Variants in PCDHA5 observed in about 807,000 individuals in gnomAD.
PCDHA5 encodes the protein protocadherin alpha-5.
Under a neutral mutation model 61.6 loss-of-function variants are expected in PCDHA5, and 43 were observed. The observed-to-expected ratio is 0.70, with a 90% confidence interval of 0.55 to 0.90. The LOEUF is 0.90. Ranked by LOEUF, PCDHA5 falls within the 40% of genes least tolerant of loss-of-function variation. The pLI, the probability that PCDHA5 is intolerant of heterozygous loss-of-function variation, is 0.00. For missense variants in PCDHA5, 1,298 were observed against 1,222.7 expected (o/e 1.06, Z -0.92); for synonymous variants, 627 against 543.9 (o/e 1.15, Z -2.13).
intron 3 of PCDHA5, among the ~76,000 whole-genome samples, chr5:140,984,467 T>G (rs1358469857): frequency 4.6e-5 from 7 of 152,220 alleles, no homozygotes; most frequent in African/African-American, 1.7e-4. Context: ...CCAGCCCCTC[T>G]TGTATAACCC....
intron 1 of PCDHA5, chr5:140,841,097 A>T (rs1777008078): frequency 3.5e-6 from 2 of 570,202 alleles, no homozygotes; most frequent in Non-Finnish European, 6.1e-6. Context: ...GAACCCAGAT[A>T]TTGCGGAAGT....
chr5:140,868,872 G>T, intron 1 of PCDHA5: 1 of 640,590 alleles, frequency 1.6e-6, no homozygotes. Context: ...GCAGTGCACA[G>T]TACTCACAGT....
At chr5:140,888,108 T>C (rs1554183322) in intron 1 of PCDHA5, among the ~76,000 whole-genome samples, 1 of 152,248 alleles carries the variant, frequency 6.6e-6, no homozygotes, top group Non-Finnish European at 1.5e-5. Flanking sequence ...CTTCTTTTAA[T>C]CTATCTTCTT....
chr5:140,836,564 C>T (rs1774574091), intron 1 of PCDHA5: 5 of 1,613,738 alleles, frequency 3.1e-6, no homozygotes, highest in Non-Finnish European at 4.2e-6. Context: ...CAGCGCCGTC[C>T]TCTGAGGGCG....
Position 140,822,888 on chromosome 5 carries a change from C to G in PCDHA5, c.1113C>G (p.Ile371Met). The G allele has an allele frequency of 6.2e-7, 1 of 1,614,234 alleles. No individual in the cohort carries two copies. Among genetic ancestry groups the G allele is most frequent in the Non-Finnish European group, 8.5e-7 (1 of 1,180,050 alleles). ...DAPLSTVIAL[I>M]SVSDRDSGAN... ...CACTCAGCACGGTCATTGCTCTGAT[C>G]AGCGTGTCTGACCGTGACTCAGGTG... is the stretch of plus-strand genomic sequence containing the variant. Residue 371 changes from isoleucine (I) to methionine (M), a missense_variant, in exon 1 of 4, where the codon ATC (isoleucine) becomes ATG (methionine). Transcript: ENST00000529859.
chr5:140,835,317 G>A lies in PCDHA5; in HGVS notation c.2352+11190G>A. ...AGTGATAGGACATATGGATTTTGAAGAAAGTAGAGCACACAAGATCCCAGT... is the reference window on the plus strand; with the variant it reads ...AGTGATAGGACATATGGATTTTGAAAAAAGTAGAGCACACAAGATCCCAGT... On this transcript the variant is annotated intron_variant, in intron 1 of 3. Coordinates refer to ENST00000529859, the MANE Select transcript of PCDHA5 (RefSeq NM_018908.3). 6 of 1,613,394 alleles carry A rather than the reference G, an allele frequency of 3.7e-6. No individual in the cohort carries two copies. Among genetic ancestry groups the A allele is most frequent in the Non-Finnish European group, 4.2e-6 (5 of 1,179,716 alleles).
At position 140,843,439 on chromosome 5, in the gene PCDHA5, G is replaced by T. The variant is rs2150360020; in HGVS notation, c.2352+19312G>T. The T allele has an allele frequency of 1.9e-6, 3 of 1,596,092 alleles. No homozygotes were observed. In the South Asian group the frequency reaches 3.3e-5, roughly 18 times the overall value. On this transcript the variant is annotated intron_variant, in intron 1 of 3. Transcript: ENST00000529859. ...TGTACCTGATCATCGCCATCTGCGC[G>T]GTATCCAGCCTGCTGGTGCTCACGC...
At chr5:140,843,610 G>A (rs1554140251) in intron 1 of PCDHA5, 2 of 1,595,980 alleles carry the variant, frequency 1.3e-6, no homozygotes, top group South Asian at 1.1e-5. Context: ...CTGGTGAGGG[G>A]CCACCGAAGA....
Position 140,924,728 on chromosome 5 carries a change from C to G in PCDHA5, c.2353-54221C>G, listed in dbSNP as rs191622894. Among the ~76,000 whole-genome samples, 1,223 of 151,892 alleles carry G rather than the reference C, an allele frequency of 8.1e-3. 6 individuals carry two copies. The highest frequency in any genetic ancestry group is 0.019 in the African/African-American group (789 of 41,420). ...TGTGCAACATGGCGAAACCTCACCT[C>G]TAATAAAAATACAAAAATTAACCGA... On this transcript the variant is annotated intron_variant, in intron 1 of 3. Transcript: ENST00000529859.
intron 1 of PCDHA5, chr5:140,829,278 A>G: frequency 6.2e-7 from 1 of 1,614,236 alleles, no homozygotes; most frequent in Non-Finnish European, 8.5e-7. Flanking sequence ...GTCCCTTTCA[A>G]GCTGGTGTCC....
intron 3 of PCDHA5, among the ~76,000 whole-genome samples, chr5:140,984,282 C>T (rs543279467): frequency 6.6e-6 from 1 of 152,296 alleles, no homozygotes; most frequent in Admixed American, 6.5e-5. Flanking sequence ...ATACATTCTC[C>T]CTCCCATTGG....
chr5:140,876,075 C>G, intron 1 of PCDHA5: 1 of 1,613,908 alleles, frequency 6.2e-7, no homozygotes, highest in Non-Finnish European at 8.5e-7. Context: ...AGTTATTGGA[C>G]AGAGAGCAAA....
At chr5:140,890,217 G>T (rs2153429721) in intron 1 of PCDHA5, among the ~76,000 whole-genome samples, 1 of 152,142 alleles carries the variant, frequency 6.6e-6, no homozygotes, top group South Asian at 2.1e-4. Context: ...TTTTCCCAGA[G>T]ACCTAGTTGT....
chr5:140,943,057 G>A (rs907618778), intron 1 of PCDHA5, among the ~76,000 whole-genome samples: 2 of 151,996 alleles, frequency 1.3e-5, no homozygotes, highest in African/African-American at 4.8e-5. Context: ...AGGAGTTCAA[G>A]AACAGCCTGA....
At chr5:140,895,802 C>CTGTAT (rs1289601886) in intron 1 of PCDHA5, among the ~76,000 whole-genome samples, 86 of 152,166 alleles carry the variant, frequency 5.7e-4, no homozygotes, top group African/African-American at 1.6e-3. Context: ...ATGTACAATA[C>CTGTAT]TGTATTGTAT....
rs1040745756 is a variant in PCDHA5 at position 140,822,281 on chromosome 5, A to G, written c.506A>G (p.Tyr169Cys). 27 of 1,614,142 alleles carry G rather than the reference A, an allele frequency of 1.7e-5. No homozygotes were observed. The highest frequency in any genetic ancestry group is 4.5e-5 in the East Asian group (2 of 44,900). The change falls in exon 1 of 4, where the codon TAC becomes TGC. Residue 169 changes from tyrosine (Y) to cysteine (C), a missense_variant. Coordinates refer to ENST00000529859, the MANE Select transcript of PCDHA5 (RefSeq NM_018908.3). ...LDIGANAQLR[Y>C]RLNPNEYFDL... ...ATTGGAGCAAATGCACAATTGAGAT[A>G]CAGGTTAAATCCAAACGAATATTTT...
rs1004067167 is a variant in PCDHA5, at chr5:140,823,495, G to T, written c.1720G>T (p.Gly574Cys). 2 of 1,613,220 alleles carry T rather than the reference G, an allele frequency of 1.2e-6. No individual in the cohort carries two copies. Among genetic ancestry groups the T allele is most frequent in the Non-Finnish European group, 1.7e-6 (2 of 1,179,718 alleles). Residue 574 changes from glycine to cysteine, a missense_variant, in exon 1 of 4, where the codon GGC (glycine) becomes TGC (cysteine). Physicochemically the swap from Gly to Cys is radical, Grantham distance 159. Transcript: ENST00000529859. ...GGTGCCTCGAGTGGGTGGCACCGGCGGCGCAGTGAGCGAGCTGGTGCCGAG... is the reference window on the plus strand; with the variant it reads ...GGTGCCTCGAGTGGGTGGCACCGGCTGCGCAGTGAGCGAGCTGGTGCCGAG... ...LLVPRVGGTG[G>C]AVSELVPRSV...
chr5:140,892,310 A>T (rs1346325979), intron 1 of PCDHA5, among the ~76,000 whole-genome samples: 1 of 152,230 alleles, frequency 6.6e-6, no homozygotes, highest in African/African-American at 2.4e-5. Flanking sequence ...TTTGGGGCTT[A>T]TAACATTTTC....
intron 1 of PCDHA5, chr5:140,835,346 G>A (rs1773586509): frequency 6.2e-7 from 1 of 1,613,652 alleles, no homozygotes; most frequent in African/African-American, 1.3e-5. Flanking sequence ...TCCCAGTCGA[G>A]GCTGTCGATA....
Sources: gnomAD v4.1 joint callset for allele counts (sites outside exome capture counted in the v4.1 genomes callset) on GRCh38, gnomAD v4.1.1 for gene constraint, MANE v1.5 for transcripts, NCBI Gene and HGNC (gene_info 2026-07-23, HGNC 2026-07-21) for gene names.